URB1: variants seen among roughly 807,000 people sequenced by gnomAD.
The protein encoded by URB1 is nucleolar pre-ribosomal-associated protein 1.
URB1 carries 197 observed loss-of-function variants against 242.3 expected under a neutral mutation model. The observed-to-expected ratio is 0.81, with a 90% CI of 0.72 to 0.91. URB1 has a LOEUF of 0.91. URB1 is among the 40% of genes least tolerant of loss of function. The pLI is 0.00. For synonymous variants in URB1, 1,153 were observed against 1,201.8 expected, an observed-to-expected ratio of 0.96 and a Z score of 0.84; for missense variants, 2,721 against 2,860.5, an observed-to-expected ratio of 0.95 and a Z score of 1.11.
intron 10 of URB1, 55 bp from the exon 11 acceptor site, chr21:32,363,384 A>C: frequency 6.6e-7 from 1 of 1,524,734 alleles, no homozygotes; most frequent in East Asian, 2.5e-5. Context: ...CAGATTTGCT[A>C]AGCTATGGGC....
intron 13 of URB1, 134 bp downstream of exon 13, chr21:32,360,873 A>G (rs1270553540): frequency 3.6e-6 from 2 of 557,760 alleles, no homozygotes. Context: ...TACTGATGCA[A>G]GTACAATTTC....
At chr21:32,329,577 A>G (rs767851444) in intron 30 of URB1, among the ~76,000 whole-genome samples, 1 of 152,202 alleles carries the variant, frequency 6.6e-6, no homozygotes, top group Non-Finnish European at 1.5e-5. Flanking sequence ...TGTCACTGCC[A>G]TTGCTAACAG....
Position 32,341,523 on chromosome 21 carries a change from T to G in URB1, c.4259A>C (p.His1420Pro). ...EMLLRLNALL[H>P]ALNEVDPGDW... is the part of the protein sequence containing the mutation. ...ACCAGGATCAACTTCATTAAGTGCA[T>G]GCTATGAATAAAATAAGTAAGAAAA... Residue 1420 changes from histidine to proline, a missense_variant and splice_region_variant, in exon 25 of 39, where the codon CAT becomes CCT. Transcript: ENST00000382751. 1 of 1,551,366 alleles carries G rather than the reference T, an allele frequency of 6.4e-7. No individual in the cohort carries two copies.
At position 32,312,944 on chromosome 21, in the gene URB1, C is replaced by T. The variant is rs1220301613; in HGVS notation, c.*1974G>A. On this transcript the variant is annotated 3_prime_UTR_variant, in exon 39 of 39. Coordinates refer to ENST00000382751, the MANE Select transcript of URB1 (RefSeq NM_014825.3). Reference sequence around the variant, plus strand: ...CTCCATGGGATGAGATTCCCTTCCTCCACACTAAGTGACTGGAAAATACAC... The same window carrying T: ...CTCCATGGGATGAGATTCCCTTCCTTCACACTAAGTGACTGGAAAATACAC... 1.3e-5 allele frequency: 2 copies of T among 152,194 alleles called. No individual in the cohort carries two copies. The highest frequency in any genetic ancestry group is 2.9e-5 in the Non-Finnish European group (2 of 68,046). The allele number at this position is 152,194 out of a possible 1,614,324, so 9.4% of individuals were successfully genotyped here.
intron 13 of URB1, among the ~76,000 whole-genome samples, chr21:32,360,208 C>T (rs1056403390): frequency 6.6e-6 from 1 of 152,186 alleles, no homozygotes; most frequent in Admixed American, 6.5e-5. Flanking sequence ...CCACCAAGTG[C>T]CCTCCAGGGG....
chr21:32,383,210 T>C (rs1310578818), intron 4 of URB1, among the ~76,000 whole-genome samples: 2 of 152,224 alleles, frequency 1.3e-5, no homozygotes, highest in African/African-American at 4.8e-5. Context: ...ATCCCCATTG[T>C]TCAGGCTCTG....
chr21:32,381,962 A>G (rs2033531901), intron 4 of URB1, among the ~76,000 whole-genome samples: 1 of 152,234 alleles, frequency 6.6e-6, no homozygotes, highest in African/African-American at 2.4e-5. Context: ...TATCTAAGAT[A>G]CTTATTACAG....
In URB1 at chr21:32,361,085, G is replaced by T; in HGVS notation, c.1678C>A (p.Gln560Lys). 1 of 1,547,074 alleles carries T rather than the reference G, an allele frequency of 6.5e-7. No individual in the cohort carries two copies. Among genetic ancestry groups the T allele is most frequent in the South Asian group, 1.2e-5 (1 of 83,624 alleles). ...ETILLKAVLL[Q>K]VICLYQKVVP... ...ACCTTCTGGTAGAGGCATATGACCT[G>T]GAGCAAAACAGCTTTCAAAAGAATG... is the stretch of plus-strand genomic sequence containing the variant. The change falls in exon 13 of 39, where the codon CAG (glutamine) becomes AAG (lysine). Residue 560 changes from glutamine to lysine, a missense_variant. By Grantham distance (53) the Gln-to-Lys change is moderately conservative. Transcript: ENST00000382751.
rs144661928 is a variant in URB1 at position 32,375,475 on chromosome 21, G to A, written c.673C>T (p.Pro225Ser). ...TTTATCCCTGAGCTAAAAATGCAAG[G>A]AATAAATTCTGAAAGTAAAAGTTTC... The part of the protein sequence containing the change: ...VQVLEVKEFI[P>S]CIFSSGIKED... The change falls in exon 6 of 39, where the codon CCT (proline) becomes TCT (serine). Residue 225 changes from proline (P) to serine (S), a missense_variant. Coordinates refer to ENST00000382751, the MANE Select transcript of URB1 (RefSeq NM_014825.3). 1.7e-5 allele frequency: 26 copies of A among 1,510,100 alleles called. No individual in the cohort carries two copies. In the African/African-American group the frequency reaches 3.1e-4, roughly 18 times the overall value. 93.5% of individuals were successfully genotyped at this position (1,510,100 alleles called of 1,614,324 possible). A position where few individuals can be genotyped will look rare whatever the true frequency, so the allele number is the denominator to read the frequency against.
chr21:32,326,672 G>A (rs1263604549), intron 30 of URB1, among the ~76,000 whole-genome samples: 2 of 152,108 alleles, frequency 1.3e-5, no homozygotes, highest in Non-Finnish European at 2.9e-5. Flanking sequence ...AGAAGCGTGT[G>A]GCACTGCCCC....
intron 27 of URB1, 68 bp downstream of exon 27, chr21:32,337,336 A>G: frequency 7.0e-7 from 1 of 1,438,008 alleles, no homozygotes; most frequent in Non-Finnish European, 9.5e-7. Flanking sequence ...CTCATTCCCT[A>G]TCTCTGCTCA....
intron 5 of URB1, chr21:32,377,421 C>G (rs1230754613): frequency 2.3e-6 from 1 of 427,294 alleles, no homozygotes; most frequent in Non-Finnish European, 4.5e-6. Context: ...TAAATGGTAC[C>G]AACTGTCACT....
Position 32,392,879 on chromosome 21 carries a change from C to T in URB1, c.32G>A (p.Gly11Asp). The change falls in exon 1 of 39, where the codon GGC becomes GAC. Residue 11 changes from glycine to aspartate, a missense_variant. Gly to Asp is a moderately conservative substitution (Grantham distance 94, BLOSUM62 -1). Transcript: ENST00000382751. MGVPKRKASGGQDGAASSAGA... is the reference protein window; with the variant it reads MGVPKRKASGDQDGAASSAGA... ...CGCGGAGGAAGCCGCGCCGTCCTGGCCGCCCGAGGCCTTCCTCTTGGGGAC... is the reference window on the plus strand; with the variant it reads ...CGCGGAGGAAGCCGCGCCGTCCTGGTCGCCCGAGGCCTTCCTCTTGGGGAC... 3.9e-6 allele frequency: 6 copies of T among 1,530,536 alleles called. No homozygotes were observed. Among genetic ancestry groups the T allele is most frequent in the Non-Finnish European group, 5.2e-6 (6 of 1,144,016 alleles). The allele number at this position is 1,530,536 out of a possible 1,614,324, so 94.8% of individuals were successfully genotyped here. A position where few individuals can be genotyped will look rare whatever the true frequency, so the allele number is the denominator to read the frequency against.
intron 13 of URB1, among the ~76,000 whole-genome samples, 164 bp from the exon 14 acceptor site, chr21:32,360,072 G>C (rs567630945): frequency 1.3e-5 from 2 of 152,102 alleles, no homozygotes. Flanking sequence ...GGCACATCTC[G>C]CCTGATGTAC....
chr21:32,385,441 A>C (rs747221051), intron 2 of URB1, 104 bp downstream of exon 2: 30 of 1,440,344 alleles, frequency 2.1e-5, no homozygotes, highest in South Asian at 1.0e-4. Flanking sequence ...ATCATTTTCT[A>C]TAGAAAGTTG....
At chr21:32,362,694 G>A (rs779810316) in intron 11 of URB1, among the ~76,000 whole-genome samples, 4 of 152,114 alleles carry the variant, frequency 2.6e-5, no homozygotes, top group Non-Finnish European at 5.9e-5. Flanking sequence ...CAGAGCAGCC[G>A]GCCAGTTTAC....
chr21:32,359,676 T>C lies in URB1; in HGVS notation c.1869+120A>G, dbSNP rs894443840. ...CTGTGGGTCTCTCTAAAATGAGAACTGTTAACCTCTTCCGTCTTGCCCCGT... is the reference window on the plus strand; with the variant it reads ...CTGTGGGTCTCTCTAAAATGAGAACCGTTAACCTCTTCCGTCTTGCCCCGT... On this transcript the variant is annotated intron_variant, in intron 14 of 38. Transcript: ENST00000382751. The C allele has an allele frequency of 5.9e-6, 5 of 849,772 alleles. No individual in the cohort carries two copies. In the African/African-American group the frequency reaches 7.0e-5, roughly 12 times the overall value. 52.6% of individuals were successfully genotyped at this position (849,772 alleles called of 1,614,324 possible).
rs976115996 is a variant in URB1 at position 32,316,579 on chromosome 21, T to C, written c.6521A>G (p.Asn2174Ser). The C allele has an allele frequency of 2.6e-6, 4 of 1,551,428 alleles. No homozygotes were observed. Among genetic ancestry groups the C allele is most frequent in the South Asian group, 1.2e-5 (1 of 84,054 alleles). The change falls in exon 38 of 39, where the codon AAT becomes AGT. Residue 2174 changes from asparagine to serine, a missense_variant. Transcript: ENST00000382751. ...GPVQEVACLF[N>S]TVMLQLVAAQ... The stretch of plus-strand genomic sequence containing the variant: ...AGCCACCAGCTGCAGCATGACCGTA[T>C]TGAACAGGCAGGCCACCTCCTGCAC...
intron 30 of URB1, among the ~76,000 whole-genome samples, chr21:32,327,506 G>A (rs1034981814): frequency 3.9e-5 from 6 of 151,958 alleles, no homozygotes; most frequent in African/African-American, 1.2e-4. Flanking sequence ...TTGGTCACCA[G>A]TAGACTTGAA....
Sources: allele counts gnomAD v4.1 joint callset (sites outside exome capture counted in the v4.1 genomes callset), GRCh38; gene constraint gnomAD v4.1.1; transcripts MANE v1.5; gene names NCBI Gene and HGNC (gene_info 2026-07-23, HGNC 2026-07-21).